Variants in SLC5A4 observed in about 807,000 individuals in gnomAD.
The protein encoded by SLC5A4 is probable glucose sensor protein SLC5A4.
In SLC5A4, 55 loss-of-function variants were observed where a neutral mutation model predicts 70.3. The observed-to-expected ratio is 0.78, with a 90% confidence interval of 0.63 to 0.98. SLC5A4 has a LOEUF of 0.98. Ranked by LOEUF, SLC5A4 falls within the 50% of genes least tolerant of loss-of-function variation. The probability of loss-of-function intolerance (pLI) is 0.00; values close to 1 mark genes in which losing one functional copy is unlikely to be tolerated. For missense variants in SLC5A4, 735 were observed against 839.2 expected, an observed-to-expected ratio of 0.88 and a Z score of 1.53; for synonymous variants, 268 against 305.7, an observed-to-expected ratio of 0.88 and a Z score of 1.29.
the SLC5A4 span, among the ~76,000 whole-genome samples, chr22:32,314,107 AAGG>A: frequency 6.6e-6 from 1 of 152,178 alleles, no homozygotes; most frequent in South Asian, 2.1e-4. Context: ...ATACGCCAAG[AAGG>A]AGAACCTACT....
the SLC5A4 span, among the ~76,000 whole-genome samples, chr22:32,338,983 G>A: frequency 6.6e-6 from 1 of 152,190 alleles, no homozygotes; most frequent in Non-Finnish European, 1.5e-5. Flanking sequence ...AAGATTACAT[G>A]CAGTATAAAT....
intron 5 of SLC5A4, among the ~76,000 whole-genome samples, chr22:32,241,880 T>C (rs936110370): frequency 1.3e-5 from 2 of 151,786 alleles, no homozygotes; most frequent in Admixed American, 1.3e-4. Flanking sequence ...TGTGTGTATA[T>C]ATATATGTAT....
the SLC5A4 span, among the ~76,000 whole-genome samples, chr22:32,277,851 T>C: frequency 6.6e-6 from 1 of 152,120 alleles, no homozygotes; most frequent in Admixed American, 6.6e-5. Context: ...CCCAGCCCGA[T>C]TTCTGGTTTT....
the SLC5A4 span, chr22:32,270,281 A>G: frequency 2.6e-5 from 20 of 780,276 alleles, no homozygotes; most frequent in Non-Finnish European, 6.9e-6. Flanking sequence ...GAGTTTCAGA[A>G]CAACCCTGAG....
At chr22:32,313,091 C>T in the SLC5A4 span, among the ~76,000 whole-genome samples, 1 of 152,108 alleles carries the variant, frequency 6.6e-6, no homozygotes, top group Non-Finnish European at 1.5e-5. Context: ...ATAGAAGAAC[C>T]AAAATTACAG....
chr22:32,301,142 T>C, the SLC5A4 span, among the ~76,000 whole-genome samples: 1 of 152,168 alleles, frequency 6.6e-6, no homozygotes, highest in Non-Finnish European at 1.5e-5. Flanking sequence ...TTTGTATTTT[T>C]AGTAGAGACG....
chr22:32,253,153 C>T (rs933314699), intron 2 of SLC5A4, among the ~76,000 whole-genome samples: 15 of 152,194 alleles, frequency 9.9e-5, no homozygotes, highest in African/African-American at 3.6e-4. Context: ...TCTCCACTTC[C>T]CCTCATACCA....
chr22:32,271,600 C>G, the SLC5A4 span: 1 of 679,596 alleles, frequency 1.5e-6, no homozygotes, highest in African/African-American at 1.8e-5. Context: ...TCCACTACTT[C>G]GAGGACATTT....
At chr22:32,289,934 A>G in the SLC5A4 span, among the ~76,000 whole-genome samples, 1 of 152,132 alleles carries the variant, frequency 6.6e-6, no homozygotes, top group African/African-American at 2.4e-5. Context: ...AGGCCATTTT[A>G]TGCTCTTTAA....
the SLC5A4 span, among the ~76,000 whole-genome samples, chr22:32,343,678 C>G: frequency 1.3e-5 from 2 of 152,138 alleles, no homozygotes; most frequent in Non-Finnish European, 2.9e-5. Context: ...TTTTTGTGGT[C>G]TCTACCCAAA....
At chr22:32,280,159 G>A in the SLC5A4 span, among the ~76,000 whole-genome samples, 1 of 152,160 alleles carries the variant, frequency 6.6e-6, no homozygotes, top group South Asian at 2.1e-4. Context: ...GGGATTACAG[G>A]CATGCATCAC....
intron 3 of SLC5A4, 99 bp from the exon 4 acceptor site, chr22:32,248,901 A>AT: frequency 1.2e-6 from 1 of 815,456 alleles, no homozygotes; most frequent in South Asian, 1.5e-5. Flanking sequence ...TAAAAAAAAA[A>AT]GTTGGCTCAA....
At chr22:32,347,309 G>C in the SLC5A4 span, among the ~76,000 whole-genome samples, 1 of 151,936 alleles carries the variant, frequency 6.6e-6, no homozygotes, top group Non-Finnish European at 1.5e-5. Flanking sequence ...ATTCCTCACG[G>C]ATCTAGAACT....
chr22:32,261,188 T>C, the SLC5A4 span, among the ~76,000 whole-genome samples: 1 of 152,192 alleles, frequency 6.6e-6, no homozygotes, highest in Non-Finnish European at 1.5e-5. Flanking sequence ...TCCTCTCCCG[T>C]TTGGTCAGTG....
At chr22:32,248,613 T>C in intron 4 of SLC5A4, 130 bp downstream of exon 4, 1 of 694,606 alleles carries the variant, frequency 1.4e-6, no homozygotes, top group South Asian at 1.8e-5. Flanking sequence ...TGAGCTCCCA[T>C]CTCCTCTGCT....
chr22:32,226,450 T>G (rs1241975628), intron 11 of SLC5A4, among the ~76,000 whole-genome samples: 1 of 152,186 alleles, frequency 6.6e-6, no homozygotes, highest in East Asian at 1.9e-4. Flanking sequence ...TTTACTGCAG[T>G]GTGCGTAAAA....
chr22:32,225,834 A>G lies in SLC5A4; in HGVS notation c.1281-11T>C. On this transcript the variant is annotated splice_polypyrimidine_tract_variant and intron_variant, in intron 11 of 14. Coordinates refer to ENST00000266086, the MANE Select transcript of SLC5A4 (RefSeq NM_014227.3). ...AGAAGAACAAATATCCTGAGAAGAA[A>G]ACAACATAATTTAAACATTAAACAA... 2 of 1,580,302 alleles carry G rather than the reference A, an allele frequency of 1.3e-6. No homozygotes were observed. The highest frequency in any genetic ancestry group is 1.7e-6 in the Non-Finnish European group (2 of 1,159,554).
the SLC5A4 span, among the ~76,000 whole-genome samples, chr22:32,315,741 G>C: frequency 7.7e-6 from 1 of 130,226 alleles, no homozygotes; most frequent in Non-Finnish European, 1.6e-5. Context: ...ACAGAACTAA[G>C]ACCAAATGCA....
At chr22:32,250,353 T>C (rs1776233354) in intron 3 of SLC5A4, among the ~76,000 whole-genome samples, 1 of 151,980 alleles carries the variant, frequency 6.6e-6, no homozygotes, top group African/African-American at 2.4e-5. Context: ...ACCCCATATC[T>C]ACAAAAAACC....
Sources: gnomAD v4.1 joint callset for allele counts (sites outside exome capture counted in the v4.1 genomes callset) on GRCh38, gnomAD v4.1.1 for gene constraint, MANE v1.5 for transcripts, NCBI Gene and HGNC (gene_info 2026-07-23, HGNC 2026-07-21) for gene names.